The following PI4KA variants were observed in gnomAD, a reference collection of about 807,000 sequenced individuals.
PI4KA encodes PI4-kinase alpha.
PI4KA carries 122 observed loss-of-function variants against 271.4 expected under a neutral mutation model. The ratio of observed to expected loss-of-function variants is 0.45; its 90% CI spans 0.39 to 0.52. The LOEUF is 0.52. Among genes scored for constraint, PI4KA ranks in the 20% least tolerant of loss-of-function variants. PI4KA has a pLI of 0.00. For missense variants in PI4KA, 1,969 were observed against 2,769.1 expected (o/e 0.71, Z 6.48); for synonymous variants, 1,041 against 1,078.8 (o/e 0.96, Z 0.69).
chr22:20,834,475 G>A (rs1042839053), intron 3 of PI4KA, 87 bp downstream of exon 3: 3 of 816,880 alleles, frequency 3.7e-6, no homozygotes, highest in African/African-American at 3.4e-5. Context: ...TGCATCTGAT[G>A]TGTCAGTATG....
chr22:20,836,940 T>C (rs1270139916), intron 2 of PI4KA, among the ~76,000 whole-genome samples: 1 of 152,220 alleles, frequency 6.6e-6, no homozygotes, highest in African/African-American at 2.4e-5. Context: ...GAAACGTGTT[T>C]GCCAAAGATA....
chr22:20,837,058 GAAA>G (rs199517805), intron 2 of PI4KA, among the ~76,000 whole-genome samples: 2 of 148,766 alleles, frequency 1.3e-5, no homozygotes, highest in Admixed American at 1.3e-4. Flanking sequence ...ATGGTAAACA[GAAA>G]AAAAAAATGG....
rs770581958 is a variant in PI4KA, at chr22:20,798,643, A to G, written c.2049T>C (p.Ser683=). ...QEVWNLFQQI[S]VKASSVVYSA... ...AGTATACAACGGAGCTGGCCTTCAC[A>G]CTGATCTGCTGGAAGAGGTTCCACA... The change falls in exon 17 of 55, where the codon AGT becomes AGC. Residue 683 remains serine (S), a synonymous_variant. Coordinates refer to ENST00000255882, the MANE Select transcript of PI4KA (RefSeq NM_058004.4). 1 of 1,613,962 alleles carries G rather than the reference A, an allele frequency of 6.2e-7. No homozygotes were observed. Among genetic ancestry groups the G allele is most frequent in the East Asian group, 2.2e-5 (1 of 44,884 alleles).
chr22:20,803,252 G>C lies in PI4KA; in HGVS notation c.1530C>G (p.Phe510Leu). 2 of 1,614,140 alleles carry C rather than the reference G, an allele frequency of 1.2e-6. No individual in the cohort carries two copies. The highest frequency in any genetic ancestry group is 1.7e-6 in the Non-Finnish European group (2 of 1,180,000). The part of the protein sequence containing the change: ...VHSVTPSLRD[F>L]LVIPSPVLVK... ...CCAGAACTGGGGACGGGATGACCAGGAAGTCTCGCAAGGACGGTGTCACAG... is the reference window on the plus strand; with the variant it reads ...CCAGAACTGGGGACGGGATGACCAGCAAGTCTCGCAAGGACGGTGTCACAG... The change falls in exon 13 of 55, where the codon TTC becomes TTG. Residue 510 changes from phenylalanine (F) to leucine (L), a missense_variant. Transcript: ENST00000255882.
At chr22:20,833,867 C>T (rs907933301) in intron 3 of PI4KA, among the ~76,000 whole-genome samples, 1 of 151,870 alleles carries the variant, frequency 6.6e-6, no homozygotes, top group Non-Finnish European at 1.5e-5. Context: ...ACCATATTGG[C>T]CAGGCTGGTC....
intron 1 of PI4KA, among the ~76,000 whole-genome samples, chr22:20,840,532 C>T (rs1207314490): frequency 6.6e-6 from 1 of 151,782 alleles, no homozygotes; most frequent in Non-Finnish European, 1.5e-5. Flanking sequence ...AAAACAGAGA[C>T]AGGTGAGGAG....
intron 19 of PI4KA, chr22:20,787,168 C>G (rs532582724): frequency 9.3e-7 from 1 of 1,072,754 alleles, no homozygotes; most frequent in African/African-American, 1.6e-5. Context: ...ACGTAGTTTA[C>G]GCTACCAATC....
At chr22:20,797,081 C>A (rs1017809101) in intron 17 of PI4KA, among the ~76,000 whole-genome samples, 1 of 152,172 alleles carries the variant, frequency 6.6e-6, no homozygotes, top group Non-Finnish European at 1.5e-5. Flanking sequence ...TGAAACACCA[C>A]GTGAAGCACT....
intron 3 of PI4KA, among the ~76,000 whole-genome samples, chr22:20,830,527 G>T (rs1373739365): frequency 6.6e-6 from 1 of 152,066 alleles, no homozygotes; most frequent in Non-Finnish European, 1.5e-5. Flanking sequence ...TACTTTGAAT[G>T]TATGGGTGTC....
Position 20,742,866 on chromosome 22 carries a change from C to T in PI4KA, c.3457-102G>A, listed in dbSNP as rs371199793. ...CACTTGTGGTGGCACTGGTGGGTGC[C>T]TCGCTGCCCCAAAGTGGAGCTCATG... On this transcript the variant is annotated intron_variant, in intron 30 of 54. Coordinates refer to ENST00000255882, the MANE Select transcript of PI4KA (RefSeq NM_058004.4). The T allele has an allele frequency of 2.9e-4, 281 of 985,612 alleles. 3 individuals carry two copies. In the South Asian group the frequency reaches 3.6e-3, roughly 13 times the overall value. 61.1% of individuals were successfully genotyped at this position (985,612 alleles called of 1,614,324 possible).
At chr22:20,758,743 C>T (rs1045578879) in intron 23 of PI4KA, among the ~76,000 whole-genome samples, 8 of 152,122 alleles carry the variant, frequency 5.3e-5, no homozygotes, top group African/African-American at 1.9e-4. Flanking sequence ...TGAATGTGGC[C>T]CCCACCCCGC....
chr22:20,736,559 A>T (rs1928742441), intron 32 of PI4KA: 1 of 153,352 alleles, frequency 6.5e-6, no homozygotes, highest in African/African-American at 2.4e-5. Flanking sequence ...ATAAACCTCA[A>T]AGGTGAAGGT....
At position 20,764,803 on chromosome 22, in the gene PI4KA, G is replaced by T. The variant is rs1211643919; in HGVS notation, c.2708+14C>A. 6.2e-7 allele frequency: 1 copy of T among 1,602,118 alleles called. No homozygotes were observed. Among genetic ancestry groups the T allele is most frequent in the Non-Finnish European group, 8.5e-7 (1 of 1,172,946 alleles). ...TGTGGATGTGCATGTGCATGGTGGT[G>T]AAGGCACGTGTACCTCATGTACTCC... On this transcript the variant is annotated intron_variant, in intron 22 of 54. Coordinates refer to ENST00000255882, the MANE Select transcript of PI4KA (RefSeq NM_058004.4).
At chr22:20,834,497 G>A (rs2147761705) in intron 3 of PI4KA, 65 bp downstream of exon 3, 4 of 968,958 alleles carry the variant, frequency 4.1e-6, no homozygotes, top group South Asian at 1.3e-5. Flanking sequence ...ATAAACACTT[G>A]ATCCTACAGA....
At chr22:20,854,097 G>A (rs1453958546) in intron 1 of PI4KA, among the ~76,000 whole-genome samples, 4 of 152,042 alleles carry the variant, frequency 2.6e-5, no homozygotes, top group Admixed American at 2.0e-4. Context: ...AGGAGCAGCA[G>A]GAGCTCAATA....
chr22:20,763,789 G>C (rs917538810), intron 22 of PI4KA, among the ~76,000 whole-genome samples: 15 of 152,198 alleles, frequency 9.9e-5, no homozygotes, highest in Non-Finnish European at 1.5e-5. Context: ...ACACTCCCTT[G>C]GCTCTGTGGG....
intron 1 of PI4KA, among the ~76,000 whole-genome samples, chr22:20,843,925 T>G (rs1925920019): frequency 6.6e-6 from 1 of 151,638 alleles, no homozygotes; most frequent in South Asian, 2.1e-4. Flanking sequence ...CAATTCTCAT[T>G]TCTCCCTGCC....
Position 20,779,824 on chromosome 22 carries a change from G to A in PI4KA, c.2328+13369C>T. 3 of 1,614,230 alleles carry A rather than the reference G, an allele frequency of 1.9e-6. No homozygotes were observed. The highest frequency in any genetic ancestry group is 1.1e-5 in the South Asian group (1 of 91,082). The stretch of plus-strand genomic sequence containing the variant: ...GGTATGATTTCCTTAGGTCTGAAGG[G>A]AGAGACCCATGAACAAGTGCACTCG... On this transcript the variant is annotated intron_variant, in intron 19 of 54. Coordinates refer to ENST00000255882, the MANE Select transcript of PI4KA (RefSeq NM_058004.4).
In PI4KA at chr22:20,799,089, T is replaced by A; in HGVS notation, c.2004+4A>T. The A allele has an allele frequency of 6.2e-7, 1 of 1,612,542 alleles. No homozygotes were observed. ...AGTGGTGTTCTGGCTCTGGCCTCCC[T>A]TACATTTCCGGTGATAACCAGGCAG... On this transcript the variant is annotated splice_donor_region_variant and intron_variant, in intron 16 of 54. Coordinates refer to ENST00000255882, the MANE Select transcript of PI4KA (RefSeq NM_058004.4).
Sources: gnomAD v4.1 joint callset for allele counts (sites outside exome capture counted in the v4.1 genomes callset) on GRCh38, gnomAD v4.1.1 for gene constraint, MANE v1.5 for transcripts, NCBI Gene and HGNC (gene_info 2026-07-23, HGNC 2026-07-21) for gene names.